CCDC157: variants seen among roughly 807,000 people sequenced by gnomAD.
CCDC157 encodes the protein coiled-coil domain-containing protein 157.
Under a neutral mutation model 70.9 loss-of-function variants are expected in CCDC157, and 60 were observed. That is an observed-to-expected ratio of 0.85 (90% CI 0.69 to 1.05). CCDC157 has a LOEUF of 1.05. Ranked by LOEUF, CCDC157 falls within the 50% of genes least tolerant of loss-of-function variation. CCDC157 has a pLI of 0.00. For synonymous variants in CCDC157, 373 were observed against 422.4 expected (o/e 0.88, Z 1.43); for missense variants, 943 against 984.2 (o/e 0.96, Z 0.56).
rs553740473 is a variant in CCDC157 at position 30,361,602 on chromosome 22, T to C, written c.-165-359T>C. 3.3e-5 allele frequency among the ~76,000 whole-genome samples: 5 copies of C among 152,342 alleles called. No individual in the cohort carries two copies. In the East Asian group the frequency reaches 9.6e-4, roughly 29 times the overall value. On this transcript the variant is annotated intron_variant, in intron 1 of 11. Coordinates refer to ENST00000338306, the MANE Select transcript of CCDC157 (RefSeq NM_001017437.5). ...AACCTAAAATTGTGTGTGTGGCTTATAGTATATTTCTTTTGGACACTGCTG... is the reference window on the plus strand; with the variant it reads ...AACCTAAAATTGTGTGTGTGGCTTACAGTATATTTCTTTTGGACACTGCTG...
chr22:30,359,584 G>GA (rs1279121802), intron 1 of CCDC157, among the ~76,000 whole-genome samples: 1 of 152,164 alleles, frequency 6.6e-6, no homozygotes, highest in Non-Finnish European at 1.5e-5. Flanking sequence ...CAATACAGTA[G>GA]CTACCAGCCA....
chr22:30,367,392 C>T (rs61322750), intron 3 of CCDC157, among the ~76,000 whole-genome samples: 30,679 of 151,958 alleles, frequency 0.2, 3,356 homozygotes, highest in Middle Eastern at 0.36. Flanking sequence ...CCTGCTGTCA[C>T]GCCTGGCTAG....
intron 3 of CCDC157, chr22:30,368,687 C>T (rs1569186375): frequency 2.6e-5 from 4 of 152,256 alleles, no homozygotes; most frequent in African/African-American, 9.6e-5. Context: ...CCCCCAGGCC[C>T]TCTCTGCCCA....
chr22:30,374,077 A>G lies in CCDC157; in HGVS notation c.1658A>G (p.Glu553Gly). The G allele has an allele frequency of 6.3e-7, 1 of 1,599,080 alleles. No homozygotes were observed. ...TTCCCAGACCTGCACAGGCCCACCG[A>G]GACCCAGATCCATGGTAGGGGACTG... is the stretch of plus-strand genomic sequence containing the variant. ...VAFPDLHRPTETQIHGGRSSS... is the reference protein window; with the variant it reads ...VAFPDLHRPTGTQIHGGRSSS... The change falls in exon 9 of 12, where the codon GAG (glutamate) becomes GGG (glycine). Residue 553 changes from glutamate (E) to glycine (G), a missense_variant. By Grantham distance (98) the Glu-to-Gly change is moderately conservative. Transcript: ENST00000338306.
chr22:30,375,696 G>A, intron 10 of CCDC157, 33 bp downstream of exon 10: 1 of 1,572,872 alleles, frequency 6.4e-7, no homozygotes, highest in Non-Finnish European at 8.6e-7. Context: ...TTGGGGACCA[G>A]GAGGAAGCCC....
chr22:30,366,506 G>A (rs772499135), intron 3 of CCDC157: 5 of 546,938 alleles, frequency 9.1e-6, no homozygotes, highest in South Asian at 4.2e-5. Flanking sequence ...CCATTCCATC[G>A]GTCTCTGTGG....
In CCDC157 at chr22:30,375,468, A is replaced by G. The variant is rs1221267488; in HGVS notation, c.1673-11A>G. On this transcript the variant is annotated splice_polypyrimidine_tract_variant and intron_variant, in intron 9 of 11. Coordinates refer to ENST00000338306, the MANE Select transcript of CCDC157 (RefSeq NM_001017437.5). ...TGCCTCCCTTCTAAGGTCCTGTCCCATTGGGCACAGGAGGCAGATCCAGCA... is the reference window on the plus strand; with the variant it reads ...TGCCTCCCTTCTAAGGTCCTGTCCCGTTGGGCACAGGAGGCAGATCCAGCA... 1 of 1,613,830 alleles carries G rather than the reference A, an allele frequency of 6.2e-7. No homozygotes were observed. Among genetic ancestry groups the G allele is most frequent in the South Asian group, 1.1e-5 (1 of 91,076 alleles).
chr22:30,370,976 T>C, intron 5 of CCDC157, 26 bp downstream of exon 5: 1 of 1,589,572 alleles, frequency 6.3e-7, no homozygotes. Flanking sequence ...GCCAGACGCC[T>C]GGTGCCCAGG....
intron 1 of CCDC157, among the ~76,000 whole-genome samples, chr22:30,360,537 A>G (rs1389801679): frequency 6.6e-6 from 1 of 152,052 alleles, no homozygotes; most frequent in African/African-American, 2.4e-5. Context: ...TGACATGGAA[A>G]CCTTCAGAAA....
intron 1 of CCDC157, among the ~76,000 whole-genome samples, chr22:30,359,467 C>G (rs560188396): frequency 6.6e-6 from 1 of 152,330 alleles, no homozygotes; most frequent in Non-Finnish European, 1.5e-5. Context: ...GGACAGGGCT[C>G]CTTGTGCCCT....
At position 30,374,243 on chromosome 22, in the gene CCDC157, C is replaced by G. The variant is rs760931340; in HGVS notation, c.1672+152C>G. ...CAGCAGCGCAGCCCCTGTGGACCCACCACAGCACGCAAGTGCTTCATGCGT... is the reference window on the plus strand; with the variant it reads ...CAGCAGCGCAGCCCCTGTGGACCCAGCACAGCACGCAAGTGCTTCATGCGT... On this transcript the variant is annotated intron_variant, in intron 9 of 11. Coordinates refer to ENST00000338306, the MANE Select transcript of CCDC157 (RefSeq NM_001017437.5). The G allele has an allele frequency of 3.5e-6, 3 of 863,532 alleles. No homozygotes were observed. In the South Asian group the frequency reaches 5.0e-5, roughly 14 times the overall value. The allele number at this position is 863,532 out of a possible 1,614,324, so 53.5% of individuals were successfully genotyped here. A position where few individuals can be genotyped will look rare whatever the true frequency, so the allele number is the denominator to read the frequency against.
In CCDC157 at chr22:30,377,816, C is replaced by T. The variant is rs1933439750; in HGVS notation, c.*1071C>T. 3.4e-6 allele frequency: 1 copy of T among 292,092 alleles called. No individual in the cohort carries two copies. Among genetic ancestry groups the T allele is most frequent in the Non-Finnish European group, 6.9e-6 (1 of 144,654 alleles). 18.1% of individuals were successfully genotyped at this position (292,092 alleles called of 1,614,324 possible). A position where few individuals can be genotyped will look rare whatever the true frequency, so the allele number is the denominator to read the frequency against. The stretch of plus-strand genomic sequence containing the variant: ...GTGCTCAAGTCCAGGGGAAGGACCT[C>T]ACAGCTGAGTAGCTCTCTCAGGCGC... On this transcript the variant is annotated 3_prime_UTR_variant, in exon 12 of 12. Transcript: ENST00000338306.
Position 30,369,556 on chromosome 22 carries a change from G to T in CCDC157, c.373G>T (p.Asp125Tyr), listed in dbSNP as rs751864000. Residue 125 changes from aspartate (D) to tyrosine (Y), a missense_variant, in exon 4 of 12, where the codon GAC becomes TAC. Transcript: ENST00000338306. ...GGGGCTCACGGTGCGGCGCTTCTGG[G>T]ACAGCCTGCTGAGGCTGGGCACGCT... ...SVGLTVRRFW[D>Y]SLLRLGTLHQ... 4 of 1,600,524 alleles carry T rather than the reference G, an allele frequency of 2.5e-6. No homozygotes were observed. The highest frequency in any genetic ancestry group is 3.4e-6 in the Non-Finnish European group (4 of 1,173,864).
Position 30,372,269 on chromosome 22 carries a change from A to G in CCDC157, c.1318A>G (p.Met440Val). ...TAAGGAGAAGGCCCGTGTCGACAGCATGGTCCGCCACCAGGAGGTGAGGCC... is the reference window on the plus strand; with the variant it reads ...TAAGGAGAAGGCCCGTGTCGACAGCGTGGTCCGCCACCAGGAGGTGAGGCC... ...LDKEKARVDS[M>V]VRHQESLQAK... The change falls in exon 7 of 12, where the codon ATG becomes GTG. Residue 440 changes from methionine to valine, a missense_variant. By Grantham distance (21) the Met-to-Val change is conservative. Transcript: ENST00000338306. 1 of 1,576,972 alleles carries G rather than the reference A, an allele frequency of 6.3e-7. No homozygotes were observed. The highest frequency in any genetic ancestry group is 8.6e-7 in the Non-Finnish European group (1 of 1,164,484).
chr22:30,375,902 G>A (rs1039207389), intron 10 of CCDC157: 7 of 561,792 alleles, frequency 1.2e-5, no homozygotes, highest in Admixed American at 1.1e-4. Flanking sequence ...AAGAAGCCTC[G>A]TCAGGCCGGG....
At chr22:30,375,713 A>C in intron 10 of CCDC157, 50 bp downstream of exon 10, 2 of 1,517,676 alleles carry the variant, frequency 1.3e-6, no homozygotes, top group Non-Finnish European at 1.8e-6. Context: ...GCCCCTATCC[A>C]GCAGCAGGTC....
intron 9 of CCDC157, 135 bp downstream of exon 9, chr22:30,374,226 C>T: frequency 9.2e-7 from 1 of 1,088,244 alleles, no homozygotes; most frequent in African/African-American, 1.6e-5. Context: ...GCCAGCAGCG[C>T]AGCCCCTGTG....
chr22:30,372,753 G>T, intron 7 of CCDC157: 1 of 158,482 alleles, frequency 6.3e-6, no homozygotes, highest in Non-Finnish European at 1.4e-5. Flanking sequence ...CCTCACAGGA[G>T]TCCTCAGAAG....
chr22:30,375,061 T>C, intron 9 of CCDC157: 1 of 306,724 alleles, frequency 3.3e-6, no homozygotes, highest in South Asian at 2.8e-5. Flanking sequence ...TGGGTTCAAG[T>C]GATTCTCCTG....
Sources: allele counts gnomAD v4.1 joint callset (sites outside exome capture counted in the v4.1 genomes callset), GRCh38; gene constraint gnomAD v4.1.1; transcripts MANE v1.5; gene names NCBI Gene and HGNC (gene_info 2026-07-23, HGNC 2026-07-21).